KDM4C: variants seen among roughly 807,000 people sequenced by gnomAD.
KDM4C encodes lysine-specific demethylase 4C.
KDM4C carries 81 observed loss-of-function variants against 129.3 expected under a neutral mutation model. The observed-to-expected ratio is 0.63, with a 90% CI of 0.52 to 0.75. KDM4C has a LOEUF of 0.75. KDM4C is among the 30% of genes least tolerant of loss of function. KDM4C has a pLI of 0.00. For synonymous variants in KDM4C, 573 were observed against 456.1 expected (o/e 1.26, Z -3.26); for missense variants, 1,457 against 1,304.0 (o/e 1.12, Z -1.81).
intron 2 of KDM4C, among the ~76,000 whole-genome samples, chr9:6,797,175 A>T (rs1827906748): frequency 6.6e-6 from 1 of 151,478 alleles, no homozygotes; most frequent in Non-Finnish European, 1.5e-5. Flanking sequence ...TTTTGTAGAG[A>T]TGGGGTCTGC....
At chr9:6,935,928 A>G (rs187866713) in intron 8 of KDM4C, among the ~76,000 whole-genome samples, 97 of 152,326 alleles carry the variant, frequency 6.4e-4, no homozygotes, top group Non-Finnish European at 1.2e-3. Flanking sequence ...ATGAAAGAAT[A>G]ATAAACAGTA....
At chr9:6,965,532 G>A (rs984246310) in intron 8 of KDM4C, among the ~76,000 whole-genome samples, 3 of 152,146 alleles carry the variant, frequency 2.0e-5, no homozygotes, top group African/African-American at 4.8e-5. Flanking sequence ...CTTAATTATG[G>A]AAGCTGAGAA....
chr9:6,914,849 C>T (rs898790950), intron 8 of KDM4C, among the ~76,000 whole-genome samples: 1 of 152,230 alleles, frequency 6.6e-6, no homozygotes, highest in African/African-American at 2.4e-5. Context: ...CTGCTGGCAC[C>T]TTGGTCTTGG....
chr9:6,895,977 T>C (rs1816362412), intron 8 of KDM4C, among the ~76,000 whole-genome samples: 1 of 152,190 alleles, frequency 6.6e-6, no homozygotes, highest in African/African-American at 2.4e-5. Flanking sequence ...CAGATTTTGG[T>C]ATCTTTAATC....
chr9:7,079,918 C>T (rs1023775818), intron 17 of KDM4C, among the ~76,000 whole-genome samples: 1 of 152,032 alleles, frequency 6.6e-6, no homozygotes, highest in African/African-American at 2.4e-5. Flanking sequence ...TCTCCTTTCC[C>T]ACAACTTCTT....
intron 12 of KDM4C, among the ~76,000 whole-genome samples, chr9:6,992,120 A>G (rs976258529): frequency 6.6e-6 from 1 of 152,140 alleles, no homozygotes; most frequent in African/African-American, 2.4e-5. Context: ...TTAATGTATA[A>G]TGCTCATGAT....
intron 18 of KDM4C, among the ~76,000 whole-genome samples, chr9:7,113,495 T>C (rs1488807144): frequency 6.6e-6 from 1 of 152,246 alleles, no homozygotes; most frequent in Non-Finnish European, 1.5e-5. Context: ...TTCCCACTGC[T>C]GATCTTTTGC....
intron 18 of KDM4C, among the ~76,000 whole-genome samples, chr9:7,115,708 C>T (rs988535070): frequency 5.9e-5 from 9 of 152,222 alleles, no homozygotes; most frequent in Non-Finnish European, 1.5e-5. Context: ...ACTCTCCAAG[C>T]CTTGATTGTA....
intron 15 of KDM4C, among the ~76,000 whole-genome samples, chr9:7,023,819 GTGTGT>G (rs1157056009): frequency 6.6e-6 from 1 of 151,954 alleles, no homozygotes; most frequent in East Asian, 1.9e-4. Flanking sequence ...ATAGATTTTG[GTGTGT>G]TGTGTTTCTG....
chr9:6,803,144 C>T (rs763496690), intron 2 of KDM4C, among the ~76,000 whole-genome samples: 16 of 152,144 alleles, frequency 1.1e-4, no homozygotes, highest in African/African-American at 3.4e-4. Context: ...GGGCCTGTAT[C>T]GTGCCAGCAA....
At chr9:6,795,593 A>G (rs193137226) in intron 2 of KDM4C, among the ~76,000 whole-genome samples, 2 of 152,158 alleles carry the variant, frequency 1.3e-5, no homozygotes, top group East Asian at 3.9e-4. Flanking sequence ...TGGCCTCCCA[A>G]AATGCTGGGA....
At chr9:7,044,656 A>G (rs1829126353) in intron 15 of KDM4C, among the ~76,000 whole-genome samples, 1 of 151,924 alleles carries the variant, frequency 6.6e-6, no homozygotes, top group Non-Finnish European at 1.5e-5. Flanking sequence ...CTTGAGAAGA[A>G]GATATGAGTT....
intron 5 of KDM4C, among the ~76,000 whole-genome samples, chr9:6,852,537 A>T (rs776050138): frequency 6.6e-6 from 1 of 152,178 alleles, no homozygotes; most frequent in South Asian, 2.1e-4. Flanking sequence ...TTCTGTATGC[A>T]CATGTGGGTG....
intron 19 of KDM4C, among the ~76,000 whole-genome samples, chr9:7,144,071 T>G (rs950297675): frequency 1.3e-5 from 2 of 152,214 alleles, no homozygotes; most frequent in African/African-American, 4.8e-5. Flanking sequence ...TTACTTCATT[T>G]TTGCATGTAT....
At chr9:6,954,185 A>G (rs549983950) in intron 8 of KDM4C, among the ~76,000 whole-genome samples, 1 of 152,222 alleles carries the variant, frequency 6.6e-6, no homozygotes, top group East Asian at 1.9e-4. Flanking sequence ...TTCTGATCCT[A>G]TATATCTTTC....
In KDM4C at chr9:7,013,884, A is replaced by T. The variant is rs182466978; in HGVS notation, c.2065A>T (p.Met689Leu). 1.0e-4 allele frequency: 167 copies of T among 1,613,952 alleles called. 1 individual carries two copies. In the Admixed American group the frequency reaches 1.8e-3, roughly 18 times the overall value. The change falls in exon 14 of 22, where the codon ATG becomes TTG. Residue 689 changes from methionine to leucine, a missense_variant. By Grantham distance (15) the Met-to-Leu change is conservative. Coordinates refer to ENST00000381309, the MANE Select transcript of KDM4C (RefSeq NM_015061.6). The stretch of plus-strand genomic sequence containing the variant: ...AAAGACTAAGCCCCTCATACCAGAG[A>T]TGTGTTTTATTTATAGTGAAGAAAA... ...EGKTKPLIPEMCFIYSEENIE... is the reference protein window; with the variant it reads ...EGKTKPLIPELCFIYSEENIE...
chr9:6,776,972 A>G (rs749724404), intron 1 of KDM4C, among the ~76,000 whole-genome samples: 19 of 152,078 alleles, frequency 1.2e-4, no homozygotes, highest in Non-Finnish European at 2.5e-4. Context: ...AGGAATTCCT[A>G]TAGCACTTAG....
chr9:6,871,702 T>C (rs1310439405), intron 5 of KDM4C, among the ~76,000 whole-genome samples: 2 of 152,198 alleles, frequency 1.3e-5, no homozygotes, highest in African/African-American at 2.4e-5. Context: ...CTCAAAGAAT[T>C]TGGAATTAGC....
chr9:6,871,417 TA>T (rs1023093131), intron 5 of KDM4C, among the ~76,000 whole-genome samples: 1 of 152,216 alleles, frequency 6.6e-6, no homozygotes, highest in South Asian at 2.1e-4. Context: ...AAATAAATCT[TA>T]AAAAAAATTT....
Sources: allele counts gnomAD v4.1 joint callset (sites outside exome capture counted in the v4.1 genomes callset), GRCh38; gene constraint gnomAD v4.1.1; transcripts MANE v1.5; gene names NCBI Gene and HGNC (gene_info 2026-07-23, HGNC 2026-07-21).